The following MED17 variants were observed in gnomAD, a reference collection of about 807,000 sequenced individuals.
The protein encoded by MED17 is mediator complex subunit 17, also known as mediator of RNA polymerase II transcription subunit 17.
MED17 carries 49 observed loss-of-function variants against 80.8 expected under a neutral mutation model. That is an observed-to-expected ratio of 0.61 (90% confidence interval 0.48 to 0.77). The LOEUF is 0.77. MED17 is among the 30% of genes least tolerant of loss of function. MED17 has a pLI of 0.00. For synonymous variants in MED17, 281 were observed against 280.4 expected, an observed-to-expected ratio of 1.00 and a Z score of -0.02; for missense variants, 718 against 787.0, an observed-to-expected ratio of 0.91 and a Z score of 1.05.
chr11:93,794,834 A>G (rs1468632478), intron 5 of MED17, 74 bp from the exon 6 acceptor site: 3 of 1,475,932 alleles, frequency 2.0e-6, no homozygotes, highest in African/African-American at 2.8e-5. Flanking sequence ...TGTCATATGT[A>G]TTCAGATCAC....
rs1321894095 is a variant in MED17, at chr11:93,784,689, A to C, written c.176A>C (p.Glu59Ala). The C allele has an allele frequency of 6.4e-6, 10 of 1,554,868 alleles. No homozygotes were observed. The highest frequency in any genetic ancestry group is 3.9e-5 in the Admixed American group (2 of 51,094). The change falls in exon 1 of 12, where the codon GAG (glutamate) becomes GCG (alanine). Residue 59 changes from glutamate (E) to alanine (A), a missense_variant. Coordinates refer to ENST00000251871, the MANE Select transcript of MED17 (RefSeq NM_004268.5). Reference sequence around the variant, plus strand: ...CAGGGTTCGGGCTCCGAGGAGGAGGAGGCGGCGGGGACCGAGGGCGACGCG... The same window carrying C: ...CAGGGTTCGGGCTCCGAGGAGGAGGCGGCGGCGGGGACCGAGGGCGACGCG... ...FSQGSGSEEE[E>A]AAGTEGDAQE...
intron 10 of MED17, 178 bp downstream of exon 10, chr11:93,807,813 G>A (rs1054373363): frequency 2.1e-4 from 133 of 639,062 alleles, no homozygotes; most frequent in Non-Finnish European, 8.2e-5. Flanking sequence ...TGGTTAACTG[G>A]AAGTACTGAT....
In MED17 at chr11:93,790,752, T is replaced by C. The variant is rs951862430; in HGVS notation, c.596T>C (p.Val199Ala). 6.2e-7 allele frequency: 1 copy of C among 1,614,082 alleles called. No individual in the cohort carries two copies. Among genetic ancestry groups the C allele is most frequent in the Non-Finnish European group, 8.5e-7 (1 of 1,180,028 alleles). The change falls in exon 3 of 12, where the codon GTT becomes GCT. Residue 199 changes from valine to alanine, a missense_variant. Val to Ala is a moderately conservative substitution (Grantham distance 64, BLOSUM62 0). Transcript: ENST00000251871. ...CGGCAACACTGGAAACTTCGAAAAG[T>C]TGGAGATAAAATTCTCGGAGATCTG... ...RLRQHWKLRK[V>A]GDKILGDLSY...
intron 5 of MED17, 58 bp from the exon 6 acceptor site, chr11:93,794,850 A>C: frequency 6.5e-7 from 1 of 1,538,604 alleles, no homozygotes; most frequent in Non-Finnish European, 9.0e-7. Context: ...ATCACCATTT[A>C]AACTAGTTAA....
chr11:93,788,248 C>T (rs1943790245), intron 2 of MED17, 81 bp downstream of exon 2: 2 of 1,224,662 alleles, frequency 1.6e-6, no homozygotes, highest in Non-Finnish European at 2.3e-6. Context: ...CCTGTTGTTC[C>T]ATTTTCCTTT....
In MED17 at chr11:93,784,376, G is replaced by T; in HGVS notation, c.-138G>T. 3 of 1,129,622 alleles carry T rather than the reference G, an allele frequency of 2.7e-6. No individual in the cohort carries two copies. The highest frequency in any genetic ancestry group is 3.7e-6 in the Non-Finnish European group (3 of 820,234). 70.0% of individuals were successfully genotyped at this position (1,129,622 alleles called of 1,614,324 possible). ...CCTTTGTTTCCAGTCTGAGCGTTGC[G>T]TTCGGTTTCCCGAGGGTCTTCTGAG... On this transcript the variant is annotated 5_prime_UTR_variant, in exon 1 of 12. Coordinates refer to ENST00000251871, the MANE Select transcript of MED17 (RefSeq NM_004268.5).
rs1340098236 is a variant in MED17 at position 93,809,753 on chromosome 11, G to GC, written c.1623dup (p.Lys542GlnfsTer12). On this transcript the variant is annotated frameshift_variant, in exon 11 of 12. Coordinates refer to ENST00000251871, the MANE Select transcript of MED17 (RefSeq NM_004268.5). LOFTEE classifies it high-confidence loss of function. ...CCAGGTACATGCAGTTCAGCAACTC[G>GC]CCAAGGTTATGGGCTGGCAAGTACT... The GC allele has an allele frequency of 1.2e-6, 2 of 1,614,126 alleles. No individual in the cohort carries two copies. Among genetic ancestry groups the GC allele is most frequent in the South Asian group, 2.2e-5 (2 of 91,078 alleles).
At chr11:93,802,098 A>C (rs1393189019) in intron 9 of MED17, 126 bp downstream of exon 9, 10 of 885,440 alleles carry the variant, frequency 1.1e-5, no homozygotes, top group Admixed American at 5.3e-5. Context: ...AAATTATATA[A>C]GCTGTAGAGT....
At chr11:93,804,026 T>TATAC (rs1240355155) in intron 9 of MED17, among the ~76,000 whole-genome samples, 7 of 11,320 alleles carry the variant, frequency 6.2e-4, no homozygotes, top group Admixed American at 2.4e-3. Flanking sequence ...TATATATATA[T>TATAC]ACACACACAC....
intron 8 of MED17, among the ~76,000 whole-genome samples, chr11:93,798,151 T>C (rs1396626460): frequency 1.3e-5 from 2 of 152,254 alleles, no homozygotes; most frequent in Non-Finnish European, 2.9e-5. Flanking sequence ...GTGTTAACCC[T>C]GTTTTTACTG....
intron 3 of MED17, among the ~76,000 whole-genome samples, chr11:93,792,682 C>A (rs758104339): frequency 2.0e-5 from 3 of 152,150 alleles, no homozygotes; most frequent in Non-Finnish European, 2.9e-5. Context: ...GGGCTCACAC[C>A]TGTAATCTCA....
chr11:93,803,703 T>C (rs138552976), intron 9 of MED17, among the ~76,000 whole-genome samples: 10 of 152,140 alleles, frequency 6.6e-5, no homozygotes, highest in African/African-American at 1.9e-4. Flanking sequence ...AAAGAGAGAC[T>C]GAGTGCAATG....
At chr11:93,807,223 C>T (rs1338147859) in intron 9 of MED17, 4 of 321,108 alleles carry the variant, frequency 1.2e-5, no homozygotes, top group African/African-American at 2.2e-5. Context: ...ACCAGCCTGG[C>T]CAACATGGTG....
Position 93,790,646 on chromosome 11 carries a change from G to A in MED17, c.490G>A (p.Ala164Thr), listed in dbSNP as rs369606983. The A allele has an allele frequency of 1.8e-5, 29 of 1,614,162 alleles. No homozygotes were observed. Among genetic ancestry groups the A allele is most frequent in the Non-Finnish European group, 2.3e-5 (27 of 1,180,032 alleles). Residue 164 changes from alanine to threonine, a missense_variant, in exon 3 of 12, where the codon GCA (alanine) becomes ACA (threonine). Coordinates refer to ENST00000251871, the MANE Select transcript of MED17 (RefSeq NM_004268.5). ...AGAAQILLKG[A>T]ERLTKSVTEN... is the part of the protein sequence containing the mutation. ...AGCAGCACAAATCTTATTGAAGGGGGCAGAAAGACTGACTAAATCAGTTAC... is the reference window on the plus strand; with the variant it reads ...AGCAGCACAAATCTTATTGAAGGGGACAGAAAGACTGACTAAATCAGTTAC...
rs906993013 is a variant in MED17, at chr11:93,814,461, A to G, written c.*2397A>G. Reference sequence around the variant, plus strand: ...CCTCAACAAGTATTAACAGGTTGGCAAGGAGCTGTGTTTGAATCTTGGCTC... The same window carrying G: ...CCTCAACAAGTATTAACAGGTTGGCGAGGAGCTGTGTTTGAATCTTGGCTC... On this transcript the variant is annotated 3_prime_UTR_variant, in exon 12 of 12. Transcript: ENST00000251871. The G allele has an allele frequency of 6.6e-6, 1 of 152,210 alleles. No homozygotes were observed. The highest frequency in any genetic ancestry group is 6.5e-5 in the Admixed American group (1 of 15,282). The allele number at this position is 152,210 out of a possible 1,614,324, so 9.4% of individuals were successfully genotyped here. A position where few individuals can be genotyped will look rare whatever the true frequency, so the allele number is the denominator to read the frequency against.
chr11:93,812,118 TGCAGATCAACTATAA>T lies in MED17; in HGVS notation c.*58_*72del. The T allele has an allele frequency of 6.9e-7, 1 of 1,455,394 alleles. No individual in the cohort carries two copies. Among genetic ancestry groups the T allele is most frequent in the Non-Finnish European group, 9.7e-7 (1 of 1,036,224 alleles). The allele number at this position is 1,455,394 out of a possible 1,614,324, so 90.2% of individuals were successfully genotyped here. On this transcript the variant is annotated 3_prime_UTR_variant, in exon 12 of 12. Coordinates refer to ENST00000251871, the MANE Select transcript of MED17 (RefSeq NM_004268.5). ...TCCAGAAACTTTGACTTGAAATGTT[TGCAGATCAACTATAA>T]GCACAAAGAAGAGATAACTTCCAAA...
intron 8 of MED17, chr11:93,801,615 G>A (rs773205514): frequency 9.4e-6 from 5 of 529,876 alleles, no homozygotes; most frequent in Non-Finnish European, 1.7e-5. Flanking sequence ...AGGGGTGTGT[G>A]ATGAGAGTGT....
intron 1 of MED17, among the ~76,000 whole-genome samples, chr11:93,785,615 G>A (rs1943761053): frequency 6.6e-6 from 1 of 152,186 alleles, no homozygotes; most frequent in Non-Finnish European, 1.5e-5. Flanking sequence ...TAATTTTTGA[G>A]GATTGAAGTG....
At chr11:93,801,712 A>T in intron 8 of MED17, 123 bp from the exon 9 acceptor site, 1 of 887,078 alleles carries the variant, frequency 1.1e-6, no homozygotes, top group Non-Finnish European at 1.8e-6. Context: ...AAGTCTGCCT[A>T]CACATAGTGG....
Sources: gnomAD v4.1 joint callset for allele counts (sites outside exome capture counted in the v4.1 genomes callset) on GRCh38, gnomAD v4.1.1 for gene constraint, MANE v1.5 for transcripts, NCBI Gene and HGNC (gene_info 2026-07-23, HGNC 2026-07-21) for gene names.